The following NCOA6 variants were observed in gnomAD, a reference collection of about 807,000 sequenced individuals.
The protein encoded by NCOA6 is nuclear receptor coactivator 6.
Under a neutral mutation model 171.4 loss-of-function variants are expected in NCOA6, and 49 were observed. That is an observed-to-expected ratio of 0.29 (90% CI 0.23 to 0.36). The LOEUF is 0.36. Among genes scored for constraint, NCOA6 ranks in the 10% least tolerant of loss-of-function variants. NCOA6 has a pLI of 1.00. For missense variants in NCOA6, 2,248 were observed against 2,554.5 expected (o/e 0.88, Z 2.59); for synonymous variants, 910 against 927.5 (o/e 0.98, Z 0.34).
chr20:34,736,796 T>C, intron 11 of NCOA6, 38 bp from the exon 12 acceptor site: 1 of 1,552,602 alleles, frequency 6.4e-7, no homozygotes. Context: ...CCTTTTACTT[T>C]CTTTTCTAAA....
intron 4 of NCOA6, among the ~76,000 whole-genome samples, chr20:34,773,561 A>ATTCT (rs2077217788): frequency 8.6e-5 from 13 of 150,592 alleles, no homozygotes; most frequent in Admixed American, 1.3e-4. Flanking sequence ...ATTTTGCTCG[A>ATTCT]CACCCAGGCT....
chr20:34,785,347 C>T (rs2077640918), intron 2 of NCOA6, among the ~76,000 whole-genome samples: 1 of 151,252 alleles, frequency 6.6e-6, no homozygotes, highest in South Asian at 2.1e-4. Context: ...GTATTCCTAG[C>T]ACTTTGGGAG....
chr20:34,715,487 G>A (rs6142231), intron 14 of NCOA6, 122 bp from the exon 15 acceptor site: 1 of 717,842 alleles, frequency 1.4e-6, no homozygotes, highest in South Asian at 1.6e-5. Context: ...ATCTGTCTAA[G>A]GGGTGCTCTG....
chr20:34,774,928 G>C, intron 4 of NCOA6, among the ~76,000 whole-genome samples: 1 of 152,214 alleles, frequency 6.6e-6, no homozygotes, highest in Non-Finnish European at 1.5e-5. Flanking sequence ...ATCTGAGGGA[G>C]AGAAACAAAC....
At chr20:34,809,035 C>A (rs1267309939) in intron 1 of NCOA6, among the ~76,000 whole-genome samples, 2 of 152,124 alleles carry the variant, frequency 1.3e-5, no homozygotes, top group South Asian at 4.2e-4. Flanking sequence ...TTTCCCCCTG[C>A]AAAGTTATGA....
intron 1 of NCOA6, among the ~76,000 whole-genome samples, chr20:34,810,591 T>C (rs937663282): frequency 3.9e-5 from 6 of 152,062 alleles, no homozygotes; most frequent in Admixed American, 3.9e-4. Context: ...AGTCTCGCTC[T>C]GTCACCCAGG....
chr20:34,779,043 A>C (rs2077437566), intron 3 of NCOA6, among the ~76,000 whole-genome samples: 1 of 151,474 alleles, frequency 6.6e-6, no homozygotes, highest in Admixed American at 6.6e-5. Flanking sequence ...TTATGAGTAC[A>C]TTTAATTTCC....
intron 5 of NCOA6, among the ~76,000 whole-genome samples, chr20:34,767,649 G>C (rs2077020437): frequency 6.6e-6 from 1 of 152,164 alleles, no homozygotes; most frequent in Non-Finnish European, 1.5e-5. Flanking sequence ...TTCTCCAACA[G>C]CTACTCTGGT....
chr20:34,727,115 G>T, intron 14 of NCOA6, 144 bp downstream of exon 14: 2 of 944,070 alleles, frequency 2.1e-6, no homozygotes, highest in Non-Finnish European at 1.6e-6. Flanking sequence ...AATAAAGGAA[G>T]GACCAAACAG....
At chr20:34,820,045 T>C (rs2078959683) in intron 1 of NCOA6, 1 of 152,146 alleles carries the variant, frequency 6.6e-6, no homozygotes, top group Admixed American at 6.5e-5. Context: ...TAAGAATCCA[T>C]TCCAGATACA....
chr20:34,766,929 A>G (rs375418905), intron 5 of NCOA6, among the ~76,000 whole-genome samples: 2 of 152,140 alleles, frequency 1.3e-5, no homozygotes, highest in African/African-American at 4.8e-5. Context: ...CATTTCTCAT[A>G]AAGCTACCTT....
intron 7 of NCOA6, among the ~76,000 whole-genome samples, chr20:34,755,354 G>A (rs6088594): frequency 0.84 from 128,344 of 152,248 alleles, 54,286 homozygotes; most frequent in Admixed American, 0.91. Context: ...GAAACTGATG[G>A]CAATCTCCTT....
chr20:34,731,851 T>C (rs1209636276), intron 13 of NCOA6, among the ~76,000 whole-genome samples: 1 of 152,128 alleles, frequency 6.6e-6, no homozygotes, highest in Non-Finnish European at 1.5e-5. Context: ...TGAAACCCCG[T>C]CTCTACTAAA....
chr20:34,767,371 C>T (rs979726262), intron 5 of NCOA6, among the ~76,000 whole-genome samples: 1 of 152,146 alleles, frequency 6.6e-6, no homozygotes, highest in Non-Finnish European at 1.5e-5. Context: ...TCTCGGCTCA[C>T]TGCAACCTCC....
intron 2 of NCOA6, among the ~76,000 whole-genome samples, chr20:34,791,110 G>T (rs1235529243): frequency 1.3e-5 from 2 of 152,118 alleles, no homozygotes; most frequent in African/African-American, 4.8e-5. Flanking sequence ...GATAGAAGTG[G>T]TGGTTGTAGT....
chr20:34,754,901 T>C, intron 7 of NCOA6, 33 bp from the exon 8 acceptor site: 1 of 1,609,294 alleles, frequency 6.2e-7, no homozygotes, highest in African/African-American at 1.3e-5. Context: ...GGCAGTTACC[T>C]AGCAAATTTA....
chr20:34,780,768 C>T (rs2077495273), intron 3 of NCOA6, among the ~76,000 whole-genome samples: 1 of 152,170 alleles, frequency 6.6e-6, no homozygotes, highest in African/African-American at 2.4e-5. Flanking sequence ...ATCCTCCCAC[C>T]TCAGCCTCTC....
At chr20:34,810,363 T>C (rs1415509478) in intron 1 of NCOA6, among the ~76,000 whole-genome samples, 1 of 152,198 alleles carries the variant, frequency 6.6e-6, no homozygotes, top group African/African-American at 2.4e-5. Context: ...TACTTTTTAA[T>C]TTAACATTAC....
chr20:34,766,773 G>A (rs1166945658), intron 5 of NCOA6, among the ~76,000 whole-genome samples: 7 of 152,118 alleles, frequency 4.6e-5, no homozygotes, highest in African/African-American at 1.7e-4. Flanking sequence ...TAAGTCCTTT[G>A]GCCAGGAGTT....
Sources: gnomAD v4.1 joint callset for allele counts (sites outside exome capture counted in the v4.1 genomes callset) on GRCh38, gnomAD v4.1.1 for gene constraint, MANE v1.5 for transcripts, NCBI Gene and HGNC (gene_info 2026-07-23, HGNC 2026-07-21) for gene names.